BARX2: variants seen among roughly 807,000 people sequenced by gnomAD.
BARX2 encodes the protein homeobox protein BarH-like 2.
A neutral mutation model predicts 25.5 loss-of-function variants in BARX2; 11 were observed. The ratio of observed to expected loss-of-function variants is 0.43; its 90% CI spans 0.27 to 0.71. The LOEUF is 0.71. BARX2 is among the 30% of genes least tolerant of loss of function. BARX2 has a pLI of 0.19. For synonymous variants in BARX2, 137 were observed against 149.5 expected (o/e 0.92, Z 0.61); for missense variants, 360 against 359.9 (o/e 1.00, Z 0.00).
intron 1 of BARX2, among the ~76,000 whole-genome samples, chr11:129,428,841 A>C (rs1277906394): frequency 1.3e-5 from 2 of 152,200 alleles, no homozygotes; most frequent in East Asian, 3.8e-4. Flanking sequence ...GCATCACGGC[A>C]GCTTTGTGTG....
rs558926783 is a variant in BARX2, at chr11:129,392,157, C to T, written c.187+15935C>T. Among the ~76,000 whole-genome samples the T allele has an allele frequency of 1.6e-3, 247 of 152,284 alleles. 2 individuals carry two copies. Among genetic ancestry groups the T allele is most frequent in the African/African-American group, 5.8e-3 (239 of 41,562 alleles). ...CAGACCTCTCAGGAAGGATGAAGCA[C>T]GACTCTCTCTAGTTGCTCTCTTATT... On this transcript the variant is annotated intron_variant, in intron 1 of 3. Coordinates refer to ENST00000281437, the MANE Select transcript of BARX2 (RefSeq NM_003658.5).
At chr11:129,438,968 G>A (rs899629991) in intron 2 of BARX2, among the ~76,000 whole-genome samples, 15 of 152,172 alleles carry the variant, frequency 9.9e-5, no homozygotes, top group African/African-American at 3.6e-4. Flanking sequence ...GTCTCGCCGG[G>A]TATGTGGAGG....
At chr11:129,433,069 A>T (rs2135409774) in intron 1 of BARX2, among the ~76,000 whole-genome samples, 1 of 152,248 alleles carries the variant, frequency 6.6e-6, no homozygotes, top group Middle Eastern at 3.4e-3. Flanking sequence ...CCTCTATCTG[A>T]CTGACTCCTC....
chr11:129,446,165 G>A (rs1862326401), intron 3 of BARX2, among the ~76,000 whole-genome samples: 1 of 152,156 alleles, frequency 6.6e-6, no homozygotes, highest in Non-Finnish European at 1.5e-5. Flanking sequence ...AGTTCCCGCA[G>A]GACCCACAGT....
intron 1 of BARX2, among the ~76,000 whole-genome samples, chr11:129,380,921 C>A (rs781292440): frequency 3.3e-5 from 5 of 151,858 alleles, no homozygotes; most frequent in African/African-American, 4.8e-5. Context: ...GGATTACAGG[C>A]GCCCATGACC....
chr11:129,433,751 C>T (rs1862155315), intron 1 of BARX2, among the ~76,000 whole-genome samples: 1 of 152,146 alleles, frequency 6.6e-6, no homozygotes, highest in Admixed American at 6.5e-5. Context: ...TCCTCATCCC[C>T]AATACTGCCC....
chr11:129,431,247 T>C (rs1235684871), intron 1 of BARX2, among the ~76,000 whole-genome samples: 1 of 152,240 alleles, frequency 6.6e-6, no homozygotes, highest in Non-Finnish European at 1.5e-5. Context: ...TGATAATTAC[T>C]AATAATTCTG....
At chr11:129,379,199 C>T (rs1484373279) in intron 1 of BARX2, among the ~76,000 whole-genome samples, 4 of 152,168 alleles carry the variant, frequency 2.6e-5, no homozygotes, top group African/African-American at 9.7e-5. Context: ...CTGTAAGCCT[C>T]ACCACAGAAC....
chr11:129,437,452 C>G, intron 2 of BARX2: 1 of 995,366 alleles, frequency 1.0e-6, no homozygotes, highest in East Asian at 1.1e-4. Context: ...TCAATCTTCT[C>G]CACAGCCTCC....
At position 129,398,048 on chromosome 11, in the gene BARX2, T is replaced by C. The variant is rs114325770; in HGVS notation, c.187+21826T>C. On this transcript the variant is annotated intron_variant, in intron 1 of 3. Coordinates refer to ENST00000281437, the MANE Select transcript of BARX2 (RefSeq NM_003658.5). Reference sequence around the variant, plus strand: ...TGTATAAGATGTAGTAGGCTATTACTGATAACACGATCTCAACTGCATCTT... The same window carrying C: ...TGTATAAGATGTAGTAGGCTATTACCGATAACACGATCTCAACTGCATCTT... 6.6e-3 allele frequency among the ~76,000 whole-genome samples: 1,001 copies of C among 152,340 alleles called. 14 individuals carry two copies. The highest frequency in any genetic ancestry group is 0.023 in the African/African-American group (961 of 41,580).
At chr11:129,427,257 TC>T (rs987716502) in intron 1 of BARX2, among the ~76,000 whole-genome samples, 27 of 152,252 alleles carry the variant, frequency 1.8e-4, no homozygotes, top group African/African-American at 6.5e-4. Flanking sequence ...GACATTGAAA[TC>T]AAGAAAGACT....
intron 1 of BARX2, among the ~76,000 whole-genome samples, chr11:129,391,133 A>G (rs1188576434): frequency 6.6e-6 from 1 of 152,188 alleles, no homozygotes; most frequent in Non-Finnish European, 1.5e-5. Context: ...CCAGGGGATT[A>G]CATGTATTAT....
intron 3 of BARX2, among the ~76,000 whole-genome samples, chr11:129,445,329 T>G (rs1264742751): frequency 6.6e-6 from 1 of 152,180 alleles, no homozygotes; most frequent in Non-Finnish European, 1.5e-5. Flanking sequence ...TTTAAATTGG[T>G]TATCAGCAAT....
intron 1 of BARX2, among the ~76,000 whole-genome samples, chr11:129,420,165 T>C (rs981679948): frequency 5.3e-5 from 8 of 151,988 alleles, no homozygotes; most frequent in African/African-American, 1.9e-4. Context: ...AGGTCTACTG[T>C]TCCTTTCCCC....
Position 129,436,015 on chromosome 11 carries a change from G to A in BARX2, c.188-736G>A, listed in dbSNP as rs1029101648. ...TCCTCCTTAACATAGTGCTGGAGGC[G>A]CCAGTCATACCGATCTGAGCTTTCA... is the stretch of plus-strand genomic sequence containing the variant. On this transcript the variant is annotated intron_variant, in intron 1 of 3. Transcript: ENST00000281437. The surrounding 1 kb of genome is among the most constrained non-coding windows in gnomAD (Gnocchi z 4.5). 2.6e-5 allele frequency among the ~76,000 whole-genome samples: 4 copies of A among 152,274 alleles called. No individual in the cohort carries two copies. The highest frequency in any genetic ancestry group is 2.1e-4 in the South Asian group (1 of 4,822).
chr11:129,442,260 C>T (rs943217196), intron 2 of BARX2, among the ~76,000 whole-genome samples: 2 of 152,032 alleles, frequency 1.3e-5, no homozygotes, highest in African/African-American at 4.8e-5. Context: ...TATACGCTGC[C>T]CTGGCTACTG....
chr11:129,446,893 G>A (rs181931484), intron 3 of BARX2, among the ~76,000 whole-genome samples: 3 of 152,196 alleles, frequency 2.0e-5, no homozygotes, highest in East Asian at 1.9e-4. Flanking sequence ...TGTGGCCCTC[G>A]CTGCCCTATA....
intron 1 of BARX2, among the ~76,000 whole-genome samples, chr11:129,391,767 A>T (rs1421910858): frequency 6.6e-6 from 1 of 152,216 alleles, no homozygotes; most frequent in Non-Finnish European, 1.5e-5. Context: ...TATTTATAGT[A>T]AAGTGGTAGA....
chr11:129,388,206 T>C (rs1476553767), intron 1 of BARX2, among the ~76,000 whole-genome samples: 2 of 152,176 alleles, frequency 1.3e-5, no homozygotes, highest in African/African-American at 4.8e-5. Flanking sequence ...TTTACACATA[T>C]TTATACTAAT....
Sources: gnomAD v4.1 joint callset for allele counts (sites outside exome capture counted in the v4.1 genomes callset) on GRCh38, gnomAD v4.1.1 for gene constraint, Gnocchi (gnomAD v3.1) non-coding constraint, MANE v1.5 for transcripts, NCBI Gene and HGNC (gene_info 2026-07-23, HGNC 2026-07-21) for gene names.